CFAP263: variants seen among roughly 807,000 people sequenced by gnomAD.
CFAP263 encodes the protein cilia- and flagella-associated protein 263.
chr16:58,255,027 C>T, the CFAP263 span, among the ~76,000 whole-genome samples: 1 of 152,126 alleles, frequency 6.6e-6, no homozygotes, highest in East Asian at 1.9e-4. Context: ...GGAGAATTGG[C>T]TCACGTGATT....
chr16:58,267,953 G>A, the CFAP263 span, among the ~76,000 whole-genome samples: 1 of 151,858 alleles, frequency 6.6e-6, no homozygotes, highest in Non-Finnish European at 1.5e-5. Context: ...AGGAAAAAAA[G>A]TGCATATGCC....
At chr16:58,277,365 G>T in the CFAP263 span, among the ~76,000 whole-genome samples, 1 of 152,148 alleles carries the variant, frequency 6.6e-6, no homozygotes, top group Non-Finnish European at 1.5e-5. Flanking sequence ...CTGACCTCAA[G>T]TGATCCGCCC....
chr16:58,274,664 A>G, the CFAP263 span, among the ~76,000 whole-genome samples: 1 of 152,136 alleles, frequency 6.6e-6, no homozygotes, highest in Non-Finnish European at 1.5e-5. Context: ...TTCACTTTCC[A>G]CCATGATTGT....
At chr16:58,280,753 T>TC in the CFAP263 span, 1 of 1,599,604 alleles carries the variant, frequency 6.3e-7, no homozygotes, top group Admixed American at 1.7e-5. Context: ...GCTTCCTGGG[T>TC]CCCCCTGTGA....
the CFAP263 span, chr16:58,258,231 T>G: frequency 9.0e-6 from 6 of 669,070 alleles, no homozygotes; most frequent in African/African-American, 1.8e-5. Context: ...GTTTGTATCT[T>G]AAGGATATGT....
chr16:58,259,816 A>G, the CFAP263 span: 1 of 1,307,814 alleles, frequency 7.6e-7, no homozygotes, highest in Non-Finnish European at 1.1e-6. Context: ...AAGGAGAGAA[A>G]TGGATTAAAT....
At chr16:58,282,611 G>A in the CFAP263 span, 15,810 of 152,350 alleles carry the variant, frequency 0.1, 912 homozygotes, top group Admixed American at 0.13. Context: ...GACATGTGAG[G>A]AAGGCCTTGA....
chr16:58,255,085 AAG>A, the CFAP263 span, among the ~76,000 whole-genome samples: 812 of 152,290 alleles, frequency 5.3e-3, 11 homozygotes, highest in East Asian at 0.056. Flanking sequence ...AGGCTGTGAA[AAG>A]AGAGAAGCCG....
the CFAP263 span, among the ~76,000 whole-genome samples, chr16:58,251,636 C>T: frequency 3.9e-5 from 6 of 152,200 alleles, no homozygotes; most frequent in Non-Finnish European, 1.5e-5. Flanking sequence ...AGGTGATCCA[C>T]CTGCCTCGGC....
At chr16:58,279,512 T>C in the CFAP263 span, among the ~76,000 whole-genome samples, 2 of 152,054 alleles carry the variant, frequency 1.3e-5, no homozygotes, top group African/African-American at 2.4e-5. Context: ...TGCTGCCCCT[T>C]TGTGGCCCCT....
chr16:58,272,220 G>A, the CFAP263 span, among the ~76,000 whole-genome samples: 2 of 152,034 alleles, frequency 1.3e-5, no homozygotes, highest in African/African-American at 2.4e-5. Context: ...GTTTCACCAC[G>A]TTAGCCAGGA....
chr16:58,277,760 C>G, the CFAP263 span, among the ~76,000 whole-genome samples: 1 of 152,214 alleles, frequency 6.6e-6, no homozygotes, highest in Non-Finnish European at 1.5e-5. Context: ...GAAGGACATT[C>G]TGACACATAC....
chr16:58,255,718 C>T, the CFAP263 span, among the ~76,000 whole-genome samples: 2 of 152,084 alleles, frequency 1.3e-5, no homozygotes, highest in African/African-American at 4.8e-5. Flanking sequence ...GCCGCCACCA[C>T]ACCCAGCTAA....
the CFAP263 span, chr16:58,280,169 G>A: frequency 4.6e-6 from 7 of 1,525,534 alleles, no homozygotes; most frequent in Non-Finnish European, 6.2e-6. Flanking sequence ...CATGGTGAAT[G>A]CCTGGCACTC....
the CFAP263 span, among the ~76,000 whole-genome samples, chr16:58,265,453 G>T: frequency 6.6e-6 from 1 of 152,326 alleles, no homozygotes; most frequent in East Asian, 1.9e-4. Context: ...TTCAAGAGGG[G>T]CCTCTGGGAG....
At chr16:58,262,574 A>G in the CFAP263 span, 1 of 1,563,080 alleles carries the variant, frequency 6.4e-7, no homozygotes, top group Admixed American at 1.8e-5. Context: ...GGCTCCCCCA[A>G]GGCTTTCCAC....
chr16:58,251,957 G>C, the CFAP263 span, among the ~76,000 whole-genome samples: 4 of 152,260 alleles, frequency 2.6e-5, no homozygotes, highest in South Asian at 8.3e-4. Flanking sequence ...GTTTTCCAGA[G>C]TTTATGATAA....
At chr16:58,257,626 C>T in the CFAP263 span, among the ~76,000 whole-genome samples, 3 of 150,910 alleles carry the variant, frequency 2.0e-5, no homozygotes, top group African/African-American at 7.3e-5. Context: ...TTCCATTTTT[C>T]CCCCCAATAC....
chr16:58,264,870 C>T, the CFAP263 span, among the ~76,000 whole-genome samples: 1 of 152,326 alleles, frequency 6.6e-6, no homozygotes, highest in Admixed American at 6.5e-5. Context: ...TAATTGTCCT[C>T]TATACCAAAA....
Sources: allele counts gnomAD v4.1 joint callset (sites outside exome capture counted in the v4.1 genomes callset), GRCh38; gene constraint gnomAD v4.1.1; transcripts MANE v1.5; gene names NCBI Gene and HGNC (gene_info 2026-07-23, HGNC 2026-07-21).